The following PTGES3L variants were observed in gnomAD, a reference collection of about 807,000 sequenced individuals.
The protein encoded by PTGES3L is putative protein PTGES3L.
A neutral mutation model predicts 25.0 loss-of-function variants in PTGES3L; 17 were observed. The ratio of observed to expected loss-of-function variants is 0.68; its 90% confidence interval spans 0.47 to 1.02. The LOEUF (loss-of-function observed/expected upper bound fraction) is 1.02. PTGES3L is among the 50% of genes least tolerant of loss of function. The probability of loss-of-function intolerance (pLI) is 0.00; values close to 1 mark genes in which losing one functional copy is unlikely to be tolerated. For missense variants in PTGES3L, 202 were observed against 197.5 expected, an observed-to-expected ratio of 1.02 and a Z score of -0.14; for synonymous variants, 59 against 65.7, an observed-to-expected ratio of 0.90 and a Z score of 0.50.
chr17:42,975,973 C>T (rs1465177547), intron 4 of PTGES3L, among the ~76,000 whole-genome samples: 6 of 151,494 alleles, frequency 4.0e-5, no homozygotes, highest in African/African-American at 1.5e-4. Context: ...CCGAACCTGG[C>T]TCCCCGTTTT....
chr17:42,980,057 GGCTCCC>G lies in PTGES3L; in HGVS notation c.-10_-5del, dbSNP rs1567726775. 1.3e-6 allele frequency: 2 copies of G among 1,550,978 alleles called. No individual in the cohort carries two copies. The highest frequency in any genetic ancestry group is 2.0e-5 in the Admixed American group (1 of 50,948). Reference sequence around the variant, plus strand: ...CCGGAAACACTCACCGTGCCATTGCGGCTCCCGCTCCAGGGTGGCATTTAGAGTTCC... The same window carrying G: ...CCGGAAACACTCACCGTGCCATTGCGGCTCCAGGGTGGCATTTAGAGTTCC... On this transcript the variant is annotated 5_prime_UTR_variant, in exon 1 of 7. Coordinates refer to ENST00000591916, the MANE Select transcript of PTGES3L (RefSeq NM_001261430.2).
intron 4 of PTGES3L, among the ~76,000 whole-genome samples, chr17:42,973,007 G>T (rs375494865): frequency 6.8e-6 from 1 of 148,148 alleles, no homozygotes; most frequent in African/African-American, 2.5e-5. Flanking sequence ...GCCTCTGCCC[G>T]GCCGCGACCC....
At chr17:42,971,115 T>C (rs904849076) in intron 5 of PTGES3L, among the ~76,000 whole-genome samples, 4 of 151,860 alleles carry the variant, frequency 2.6e-5, no homozygotes, top group Non-Finnish European at 5.9e-5. Context: ...CTGGCCAACA[T>C]GGTGAAACTC....
intron 4 of PTGES3L, among the ~76,000 whole-genome samples, chr17:42,972,894 C>G (rs1485721945): frequency 6.9e-6 from 1 of 145,984 alleles, no homozygotes; most frequent in Non-Finnish European, 1.5e-5. Flanking sequence ...TCTTCCCGGC[C>G]GCCATCACAT....
chr17:42,973,997 A>G (rs1486327013), intron 4 of PTGES3L, among the ~76,000 whole-genome samples: 4 of 18,368 alleles, frequency 2.2e-4, no homozygotes, highest in African/African-American at 2.5e-4. Context: ...CAATAAAAAA[A>G]TAAATTAAAA....
At chr17:42,970,676 GCACACACACACACACACACACACACACA>G (rs57542042) in intron 5 of PTGES3L, among the ~76,000 whole-genome samples, 1 of 144,090 alleles carries the variant, frequency 6.9e-6, no homozygotes, top group African/African-American at 2.6e-5. Flanking sequence ...CTTAACACGC[GCACACACACACACACACACACACACACA>G]CACACACACA....
rs762466823 is a variant in PTGES3L, at chr17:42,979,170, C to A, written c.288G>T (p.Lys96Asn). 1 of 1,614,178 alleles carries A rather than the reference C, an allele frequency of 6.2e-7. No homozygotes were observed. Among genetic ancestry groups the A allele is most frequent in the Admixed American group, 1.7e-5 (1 of 60,014 alleles). ...AGCAGGCCACTTTCCACACACCCAC[C>A]TTGATATCCTCCTTGGTAAGCCGCG... ...AWPRLTKEDI[K>N]PVWLSVDFDN... Residue 96 changes from lysine to asparagine, a missense_variant and splice_region_variant, in exon 4 of 7, where the codon AAG becomes AAT. Coordinates refer to ENST00000591916, the MANE Select transcript of PTGES3L (RefSeq NM_001261430.2).
chr17:42,978,054 G>A (rs1597744503), intron 4 of PTGES3L, among the ~76,000 whole-genome samples: 1 of 85,528 alleles, frequency 1.2e-5, no homozygotes, highest in Non-Finnish European at 2.1e-5. Context: ...TCCAGCCTGG[G>A]CAACAAGAGC....
At chr17:42,972,563 A>T (rs1191857603) in intron 4 of PTGES3L, among the ~76,000 whole-genome samples, 1 of 152,076 alleles carries the variant, frequency 6.6e-6, no homozygotes, top group Non-Finnish European at 1.5e-5. Flanking sequence ...ACCGCGAGTG[A>T]TCCGCCAGCC....
intron 5 of PTGES3L, among the ~76,000 whole-genome samples, chr17:42,971,284 C>CCACACACACA (rs56818030): frequency 0.011 from 1,669 of 149,588 alleles, 41 homozygotes; most frequent in African/African-American, 0.039. Flanking sequence ...CGACAGAAAA[C>CCACACACACA]CACACACACA....
intron 4 of PTGES3L, among the ~76,000 whole-genome samples, chr17:42,978,087 A>AAAAAC (rs2049993814): frequency 6.7e-6 from 1 of 149,048 alleles, no homozygotes; most frequent in African/African-American, 2.5e-5. Flanking sequence ...CAAAAAAAAA[A>AAAAAC]AAAAAAAAAA....
chr17:42,979,272 C>A lies in PTGES3L; in HGVS notation c.190-4G>T, dbSNP rs1400319416. ...AAGAGCGCTTATCCTGGGAGTCCTG[C>A]CAGATAGAGAGCCTCATTCTTAGGG... On this transcript the variant is annotated splice_region_variant and splice_polypyrimidine_tract_variant and intron_variant, in intron 3 of 6. Coordinates refer to ENST00000591916, the MANE Select transcript of PTGES3L (RefSeq NM_001261430.2). 1.9e-6 allele frequency: 3 copies of A among 1,614,002 alleles called. No homozygotes were observed. In the South Asian group the frequency reaches 3.3e-5, roughly 18 times the overall value.
In PTGES3L at chr17:42,969,205, A is replaced by AGGG. The variant is rs1358753740; in HGVS notation, c.433-20_433-19insCCC. The AGGG allele has an allele frequency of 7.4e-7, 1 of 1,347,418 alleles. No homozygotes were observed. 83.5% of individuals were successfully genotyped at this position (1,347,418 alleles called of 1,614,324 possible). The stretch of plus-strand genomic sequence containing the variant: ...AATCATCCTGGGGGCGGGGGGGAAA[A>AGGG]AAGACAAAGCACCTGTAGACCCTGC... On this transcript the variant is annotated intron_variant, in intron 6 of 6. Coordinates refer to ENST00000591916, the MANE Select transcript of PTGES3L (RefSeq NM_001261430.2).
At chr17:42,969,401 C>CTTTTTT (rs67136149) in intron 6 of PTGES3L, among the ~76,000 whole-genome samples, 1 of 73,014 alleles carries the variant, frequency 1.4e-5, no homozygotes, top group Non-Finnish European at 2.6e-5. Context: ...AGTTTCAGGA[C>CTTTTTT]TTTTTTTTTT....
At chr17:42,979,691 T>G (rs2050038862) in intron 1 of PTGES3L, 28 bp from the exon 2 acceptor site, 3 of 1,608,280 alleles carry the variant, frequency 1.9e-6, no homozygotes, top group Non-Finnish European at 2.5e-6. Flanking sequence ...TGTGGCTTCA[T>G]AGGGGTGGGA....
intron 4 of PTGES3L, among the ~76,000 whole-genome samples, chr17:42,973,425 T>C (rs2049895012): frequency 6.8e-6 from 1 of 148,142 alleles, no homozygotes; most frequent in African/African-American, 2.5e-5. Context: ...GAGGGGCGCC[T>C]CTGCCCGGCC....
In PTGES3L at chr17:42,971,686, A is replaced by G. The variant is rs1397684242; in HGVS notation, c.299T>C (p.Leu100Pro). The change falls in exon 5 of 7, where the codon CTG (leucine) becomes CCG (proline). Residue 100 changes from leucine to proline, a missense_variant. By Grantham distance (98) the Leu-to-Pro change is moderately conservative. Transcript: ENST00000591916. ...TCTCCAGTTATCAAAGTCCACAGAC[A>G]GCCACACTGGCTGCAAGAAGAGGCA... Reference protein sequence around the residue: ...LTKEDIKPVWLSVDFDNWRDW... With the variant: ...LTKEDIKPVWPSVDFDNWRDW... 6.2e-7 allele frequency: 1 copy of G among 1,613,994 alleles called. No individual in the cohort carries two copies. Among genetic ancestry groups the G allele is most frequent in the African/African-American group, 1.3e-5 (1 of 74,930 alleles).
At chr17:42,978,361 C>T (rs554349791) in intron 4 of PTGES3L, among the ~76,000 whole-genome samples, 3 of 152,116 alleles carry the variant, frequency 2.0e-5, no homozygotes, top group African/African-American at 7.2e-5. Context: ...GGGCCAAGAT[C>T]GCGCCACTGC....
chr17:42,969,075 G>T lies in PTGES3L; in HGVS notation c.*73C>A. On this transcript the variant is annotated 3_prime_UTR_variant, in exon 7 of 7. Transcript: ENST00000591916. The stretch of plus-strand genomic sequence containing the variant: ...GGTGCACAGCCAAAGCGCTGACAAA[G>T]GCCTAGGCGCTAGCTTTCTAGAACA... The T allele has an allele frequency of 1.7e-6, 2 of 1,153,884 alleles. No homozygotes were observed. The highest frequency in any genetic ancestry group is 2.5e-6 in the Non-Finnish European group (2 of 787,058). The allele number at this position is 1,153,884 out of a possible 1,614,324, so 71.5% of individuals were successfully genotyped here. A position where few individuals can be genotyped will look rare whatever the true frequency, so the allele number is the denominator to read the frequency against.
Sources: allele counts gnomAD v4.1 joint callset (sites outside exome capture counted in the v4.1 genomes callset), GRCh38; gene constraint gnomAD v4.1.1; transcripts MANE v1.5; gene names NCBI Gene and HGNC (gene_info 2026-07-23, HGNC 2026-07-21).